Variants in FOXP1 observed in about 807,000 individuals in gnomAD.
FOXP1 encodes forkhead box protein P1.
FOXP1 carries 15 observed loss-of-function variants against 98.2 expected under a neutral mutation model. That is an observed-to-expected ratio of 0.15 (90% confidence interval 0.10 to 0.24). The LOEUF (loss-of-function observed/expected upper bound fraction) is 0.24. Among genes scored for constraint, FOXP1 ranks in the 10% least tolerant of loss-of-function variants. The pLI is 1.00. For synonymous variants in FOXP1, 371 were observed against 314.5 expected, an observed-to-expected ratio of 1.18 and a Z score of -1.90; for missense variants, 633 against 848.5, an observed-to-expected ratio of 0.75 and a Z score of 3.15.
chr3:71,130,832 G>A (rs1310839347), intron 6 of FOXP1: 1 of 1,432,036 alleles, frequency 7.0e-7, no homozygotes, highest in African/African-American at 1.4e-5. Context: ...AATTTTCAAA[G>A]TTGCATTTAG....
At chr3:71,137,261 A>G (rs903080511) in intron 6 of FOXP1, among the ~76,000 whole-genome samples, 1 of 152,168 alleles carries the variant, frequency 6.6e-6, no homozygotes, top group African/African-American at 2.4e-5. Flanking sequence ...CTGGCTTTCA[A>G]ACTGACACTT....
intron 4 of FOXP1, among the ~76,000 whole-genome samples, chr3:71,348,745 G>A (rs562133720): frequency 8.5e-5 from 13 of 152,102 alleles, no homozygotes; most frequent in African/African-American, 3.1e-4. Context: ...AATTAACACA[G>A]GTTTTAGGAT....
At chr3:71,247,190 T>C (rs995272548) in intron 5 of FOXP1, among the ~76,000 whole-genome samples, 1 of 152,236 alleles carries the variant, frequency 6.6e-6, no homozygotes, top group Non-Finnish European at 1.5e-5. Flanking sequence ...TTATGTATTA[T>C]TCCACAACCT....
chr3:71,061,067 G>T (rs1016975499), intron 7 of FOXP1, among the ~76,000 whole-genome samples: 2 of 151,890 alleles, frequency 1.3e-5, no homozygotes, highest in African/African-American at 4.8e-5. Context: ...ATCTGCAAAG[G>T]CTTGTTTAGC....
At chr3:71,406,374 T>A (rs1308388641) in intron 3 of FOXP1, among the ~76,000 whole-genome samples, 1 of 145,740 alleles carries the variant, frequency 6.9e-6, no homozygotes, top group Non-Finnish European at 1.5e-5. Flanking sequence ...TTTTTTCTTT[T>A]GTTTTTAATT....
intron 4 of FOXP1, among the ~76,000 whole-genome samples, chr3:71,356,618 T>G (rs2078178869): frequency 6.6e-6 from 1 of 152,172 alleles, no homozygotes; most frequent in African/African-American, 2.4e-5. Context: ...TGAGCTGGCT[T>G]CTATTTTTAT....
rs144721398 is a variant in FOXP1, at chr3:71,350,456, C to T, written c.-73+8694G>A. On this transcript the variant is annotated intron_variant, in intron 4 of 20. Transcript: ENST00000649528. The stretch of plus-strand genomic sequence containing the variant: ...ATATTATAACTGACTTTTCTGTCTA[C>T]CTTGCACATGTAAGTATGTTAAAAG... 3.8e-3 allele frequency among the ~76,000 whole-genome samples: 574 copies of T among 152,258 alleles called. 5 individuals carry two copies. Among genetic ancestry groups the T allele is most frequent in the Non-Finnish European group, 6.0e-3 (411 of 68,030 alleles).
chr3:70,973,243 C>T (rs975853654), intron 17 of FOXP1, among the ~76,000 whole-genome samples: 56 of 144,834 alleles, frequency 3.9e-4, no homozygotes, highest in Non-Finnish European at 7.9e-4. Flanking sequence ...CCCCCGCCCC[C>T]GCCCCGCCCC....
chr3:71,482,665 G>C (rs2090367612), intron 3 of FOXP1, among the ~76,000 whole-genome samples: 1 of 152,046 alleles, frequency 6.6e-6, no homozygotes. Context: ...CTACCAAAGT[G>C]CTGGGATTAC....
chr3:71,193,452 T>C (rs1280536232), intron 6 of FOXP1, among the ~76,000 whole-genome samples: 3 of 121,764 alleles, frequency 2.5e-5, no homozygotes, highest in Admixed American at 8.3e-5. Flanking sequence ...CCAGCCGTTA[T>C]TTGTTTTTTT....
chr3:71,410,251 A>G (rs896058819), intron 3 of FOXP1, among the ~76,000 whole-genome samples: 5 of 152,212 alleles, frequency 3.3e-5, no homozygotes, highest in African/African-American at 9.6e-5. Context: ...AAAAGCAAGT[A>G]TCTACCAGAC....
rs554275359 is a variant in FOXP1 at position 70,999,152 on chromosome 3, C to T, written c.1062+1820G>A. On this transcript the variant is annotated intron_variant, in intron 13 of 20. Coordinates refer to ENST00000649528, the MANE Select transcript of FOXP1 (RefSeq NM_001349338.3). ...TCGCCCAGGCTGGAGTGCAGTGGCG[C>T]GACCTTGGCTCACTGCAACCTCTAC... Among the ~76,000 whole-genome samples, 39 of 152,100 alleles carry T rather than the reference C, an allele frequency of 2.6e-4. 1 individual carries two copies. The highest frequency in any genetic ancestry group is 6.5e-4 in the African/African-American group (27 of 41,494).
At chr3:71,517,383 C>T (rs190730240) in intron 2 of FOXP1, among the ~76,000 whole-genome samples, 2 of 152,320 alleles carry the variant, frequency 1.3e-5, no homozygotes, top group South Asian at 2.1e-4. Context: ...ATTTGTCTAA[C>T]CATTGCCCAG....
At chr3:71,440,650 C>T (rs558352624) in intron 3 of FOXP1, among the ~76,000 whole-genome samples, 610 of 150,202 alleles carry the variant, frequency 4.1e-3, no homozygotes, top group Non-Finnish European at 6.9e-3. Context: ...GAGCCAAGGT[C>T]GTGCCACTGC....
chr3:71,104,182 C>T (rs755639311), intron 7 of FOXP1, among the ~76,000 whole-genome samples: 3 of 152,136 alleles, frequency 2.0e-5, no homozygotes, highest in Non-Finnish European at 4.4e-5. Flanking sequence ...CTCGCCCAGG[C>T]CTGAAAGTCA....
chr3:71,524,473 T>G (rs761705212), intron 2 of FOXP1, among the ~76,000 whole-genome samples: 1 of 151,892 alleles, frequency 6.6e-6, no homozygotes, highest in Non-Finnish European at 1.5e-5. Flanking sequence ...GAATGCTCTG[T>G]CCTCACTTTG....
chr3:71,069,288 A>G (rs1189717851), intron 7 of FOXP1, among the ~76,000 whole-genome samples: 1 of 152,240 alleles, frequency 6.6e-6, no homozygotes, highest in African/African-American at 2.4e-5. Context: ...GTCAACATTC[A>G]GGTGACTTGT....
rs189617668 is a variant in FOXP1 at position 71,059,814 on chromosome 3, T to C, written c.283-6041A>G. Among the ~76,000 whole-genome samples, 413 of 152,260 alleles carry C rather than the reference T, an allele frequency of 2.7e-3. 3 individuals are homozygous for C. The highest frequency in any genetic ancestry group is 5.4e-3 in the Non-Finnish European group (367 of 67,974). On this transcript the variant is annotated intron_variant, in intron 7 of 20. Coordinates refer to ENST00000649528, the MANE Select transcript of FOXP1 (RefSeq NM_001349338.3). ...AGAAAAGATTCTATCCACAGATCTT[T>C]AGTTCTTAAAGGGAAAAGGAAGAGG...
intron 4 of FOXP1, among the ~76,000 whole-genome samples, chr3:71,338,789 C>T (rs898881389): frequency 4.6e-5 from 7 of 151,988 alleles, no homozygotes; most frequent in African/African-American, 9.7e-5. Context: ...ACAGAACTTG[C>T]GATCCAGTGC....
Sources: allele counts gnomAD v4.1 joint callset (sites outside exome capture counted in the v4.1 genomes callset), GRCh38; gene constraint gnomAD v4.1.1; transcripts MANE v1.5; gene names NCBI Gene and HGNC (gene_info 2026-07-23, HGNC 2026-07-21).